Variants in ABCC12 observed in about 807,000 individuals in gnomAD.
ABCC12 encodes the protein ATP-binding cassette sub-family C member 12.
Under a neutral mutation model 151.1 loss-of-function variants are expected in ABCC12, and 142 were observed. The observed-to-expected ratio is 0.94, with a 90% CI of 0.82 to 1.08. The LOEUF is 1.08. ABCC12 is among the 50% of genes least tolerant of loss of function. ABCC12 has a pLI of 0.00. For synonymous variants in ABCC12, 645 were observed against 646.4 expected (o/e 1.00, Z 0.03); for missense variants, 1,638 against 1,691.1 (o/e 0.97, Z 0.55).
chr16:48,111,741 C>T (rs1963699705), intron 16 of ABCC12, 35 bp downstream of exon 16: 2 of 1,614,010 alleles, frequency 1.2e-6, no homozygotes, highest in Non-Finnish European at 1.7e-6. Flanking sequence ...GGATTCCGCC[C>T]CAATTGTTCC....
Position 48,105,321 on chromosome 16 carries a change from G to A in ABCC12, c.2491C>T (p.Gln831Ter), listed in dbSNP as rs151150316. ...DKGSRMTCGP[Q>*]GNRTMCEVGA... The stretch of plus-strand genomic sequence containing the variant: ...ACCTCACACATGGTCCTGTTGCCCT[G>A]GGGCCCACAGGTCATCTTTGGAGAA... The change falls in exon 21 of 31, where the codon CAG becomes TAG. Residue 831 changes from glutamine to a stop codon, truncating the protein, a stop_gained. Coordinates refer to ENST00000311303, the MANE Select transcript of ABCC12 (RefSeq NM_001393797.1). LOFTEE classifies it high-confidence loss of function. The A allele has an allele frequency of 3.3e-3, 5,245 of 1,610,364 alleles. 13 individuals carry two copies. The highest frequency in any genetic ancestry group is 4.1e-3 in the Non-Finnish European group (4,882 of 1,178,728).
At chr16:48,135,120 C>G (rs1020665986) in intron 8 of ABCC12, among the ~76,000 whole-genome samples, 2 of 151,846 alleles carry the variant, frequency 1.3e-5, no homozygotes, top group Admixed American at 6.6e-5. Flanking sequence ...GTATGAGTTA[C>G]GATTTTGCCT....
chr16:48,107,941 G>A (rs1022199749), intron 19 of ABCC12, among the ~76,000 whole-genome samples: 1 of 151,994 alleles, frequency 6.6e-6, no homozygotes, highest in African/African-American at 2.4e-5. Context: ...GGCAGAGGTT[G>A]GAGGTTGCAG....
chr16:48,151,452 A>G (rs1296860253), intron 2 of ABCC12, among the ~76,000 whole-genome samples: 1 of 152,222 alleles, frequency 6.6e-6, no homozygotes, highest in Admixed American at 6.5e-5. Flanking sequence ...CTGGAACCAA[A>G]AAAGGATGTT....
chr16:48,087,796 C>A (rs1035353049), intron 27 of ABCC12, 130 bp downstream of exon 27: 3 of 987,404 alleles, frequency 3.0e-6, no homozygotes, highest in East Asian at 2.6e-5. Context: ...CTTGTGAGCC[C>A]CCCTGGGATA....
rs752453952 is a variant in ABCC12 at position 48,111,681 on chromosome 16, T to C, written c.2125-19A>G. 1.2e-6 allele frequency: 2 copies of C among 1,614,024 alleles called. No homozygotes were observed. Among genetic ancestry groups the C allele is most frequent in the Admixed American group, 3.3e-5 (2 of 60,014 alleles). On this transcript the variant is annotated intron_variant, in intron 16 of 30. Coordinates refer to ENST00000311303, the MANE Select transcript of ABCC12 (RefSeq NM_001393797.1). ...CAGGATCCTGGAGACAAAATGAAAT[T>C]CCTTCTGAATGCTAAGTGACAGGAC...
chr16:48,124,141 G>A (rs1185969402), intron 12 of ABCC12, 72 bp downstream of exon 12: 11 of 1,518,446 alleles, frequency 7.2e-6, no homozygotes, highest in South Asian at 2.2e-5. Flanking sequence ...CTGGGTCCAC[G>A]CCTGACCGGA....
In ABCC12 at chr16:48,081,835, C is replaced by T. The variant is rs1225587344; in HGVS notation, c.*1880G>A. On this transcript the variant is annotated 3_prime_UTR_variant, in exon 31 of 31. Coordinates refer to ENST00000311303, the MANE Select transcript of ABCC12 (RefSeq NM_001393797.1). ...ATCCTCTGTCCTCATGAAAACACCA[C>T]CTCTTGAAATCACAGACTGATTATC... Among the ~76,000 whole-genome samples the T allele has an allele frequency of 1.3e-5, 2 of 152,190 alleles. No individual in the cohort carries two copies. The highest frequency in any genetic ancestry group is 4.8e-5 in the African/African-American group (2 of 41,436).
intron 15 of ABCC12, among the ~76,000 whole-genome samples, chr16:48,113,821 A>G (rs946426283): frequency 4.5e-4 from 68 of 152,218 alleles, no homozygotes; most frequent in African/African-American, 1.6e-3. Flanking sequence ...AGACCGAACC[A>G]GGACCAAGGT....
At chr16:48,094,691 G>A (rs1451075430) in intron 24 of ABCC12, among the ~76,000 whole-genome samples, 1 of 152,046 alleles carries the variant, frequency 6.6e-6, no homozygotes, top group African/African-American at 2.4e-5. Context: ...TAACTGCCTA[G>A]GGATAAATTG....
Position 48,140,736 on chromosome 16 carries a change from A to C in ABCC12, c.608T>G (p.Phe203Cys), listed in dbSNP as rs969239824. Reference sequence around the variant, plus strand: ...TGTCTTGAAGGACACTAGGTTTTCAAAAACCAAGGTGGAGAGCGCCACCTT... The same window carrying C: ...TGTCTTGAAGGACACTAGGTTTTCACAAACCAAGGTGGAGAGCGCCACCTT... ...RLKVALSTLV[F>C]ENLVSFKTLT... The change falls in exon 6 of 31, where the codon TTT (phenylalanine) becomes TGT (cysteine). Residue 203 changes from phenylalanine to cysteine, a missense_variant. By Grantham distance (205) the Phe-to-Cys change is radical (BLOSUM62 -2). Transcript: ENST00000311303. The C allele has an allele frequency of 6.2e-7, 1 of 1,614,126 alleles. No homozygotes were observed. Among genetic ancestry groups the C allele is most frequent in the African/African-American group, 1.3e-5 (1 of 74,946 alleles).
chr16:48,146,326 G>A lies in ABCC12; in HGVS notation c.99C>T (p.Ile33=). The A allele has an allele frequency of 6.2e-7, 1 of 1,614,160 alleles. No homozygotes were observed. The highest frequency in any genetic ancestry group is 8.5e-7 in the Non-Finnish European group (1 of 1,180,014). ...CTTACCTTGCACAGGGTCGCACTGG[G>A]ATCATGGTCTTCAGGCTGGGGTCAT... is the stretch of plus-strand genomic sequence containing the variant. ...ERYDPSLKTM[I]PVRPCARLAP... Residue 33 remains isoleucine (I), a synonymous_variant, in exon 3 of 31, where the codon ATC becomes ATT. Coordinates refer to ENST00000311303, the MANE Select transcript of ABCC12 (RefSeq NM_001393797.1).
intron 13 of ABCC12, among the ~76,000 whole-genome samples, chr16:48,117,615 A>G (rs1217472094): frequency 1.3e-5 from 2 of 152,208 alleles, no homozygotes; most frequent in Non-Finnish European, 2.9e-5. Flanking sequence ...TGAACAGGAA[A>G]GCCCTGCAGG....
intron 6 of ABCC12, 85 bp from the exon 7 acceptor site, chr16:48,139,421 G>A (rs745538272): frequency 2.1e-6 from 3 of 1,413,542 alleles, no homozygotes; most frequent in Non-Finnish European, 2.9e-6. Flanking sequence ...TGGCCGAGGG[G>A]ATCTAGGGAG....
chr16:48,110,563 T>G (rs1055484052), intron 18 of ABCC12, among the ~76,000 whole-genome samples: 2 of 152,118 alleles, frequency 1.3e-5, no homozygotes, highest in African/African-American at 4.8e-5. Context: ...AGGGTGTCTA[T>G]GGAGGAGAAG....
At chr16:48,139,918 C>G (rs74018258) in intron 6 of ABCC12, among the ~76,000 whole-genome samples, 4,902 of 152,296 alleles carry the variant, frequency 0.032, 247 homozygotes, top group African/African-American at 0.11. Context: ...ACCATGATGA[C>G]AGCCATGTGC....
At chr16:48,109,439 C>A (rs755806442) in intron 18 of ABCC12, among the ~76,000 whole-genome samples, 4 of 152,232 alleles carry the variant, frequency 2.6e-5, no homozygotes, top group Non-Finnish European at 4.4e-5. Flanking sequence ...CATGTCTCTT[C>A]CGCTCCTCCA....
At position 48,153,665 on chromosome 16, in the gene ABCC12, C is replaced by G. The variant is rs1965145737; in HGVS notation, c.-100G>C. The G allele has an allele frequency of 6.6e-6, 1 of 152,218 alleles. No homozygotes were observed. The highest frequency in any genetic ancestry group is 1.5e-5 in the Non-Finnish European group (1 of 68,038). The allele number at this position is 152,218 out of a possible 1,614,324, so 9.4% of individuals were successfully genotyped here. Reference sequence around the variant, plus strand: ...CTTTTCTAATGGTAAGGGACCCTGGCAGCAAGATGTCATCAGCTTGTCTTA... The same window carrying G: ...CTTTTCTAATGGTAAGGGACCCTGGGAGCAAGATGTCATCAGCTTGTCTTA... On this transcript the variant is annotated 5_prime_UTR_variant, in exon 2 of 31. Coordinates refer to ENST00000311303, the MANE Select transcript of ABCC12 (RefSeq NM_001393797.1).
chr16:48,149,466 T>G (rs1439933383), intron 2 of ABCC12, among the ~76,000 whole-genome samples: 3 of 152,172 alleles, frequency 2.0e-5, no homozygotes, highest in Non-Finnish European at 4.4e-5. Context: ...GACAAGTTTA[T>G]TTTAAATATA....
Sources: gnomAD v4.1 joint callset for allele counts (sites outside exome capture counted in the v4.1 genomes callset) on GRCh38, gnomAD v4.1.1 for gene constraint, MANE v1.5 for transcripts, NCBI Gene and HGNC (gene_info 2026-07-23, HGNC 2026-07-21) for gene names.